The following TLCD4 variants were observed in gnomAD, a reference collection of about 807,000 sequenced individuals.
TLCD4 encodes TLC domain-containing protein 4.
A neutral mutation model predicts 24.2 loss-of-function variants in TLCD4; 7 were observed. The observed-to-expected ratio is 0.29, with a 90% confidence interval of 0.16 to 0.54. The LOEUF is 0.54. TLCD4 is among the 20% of genes least tolerant of loss of function. The pLI is 0.95. For synonymous variants in TLCD4, 103 were observed against 106.4 expected (o/e 0.97, Z 0.20); for missense variants, 259 against 313.9 (o/e 0.82, Z 1.32).
intron 1 of TLCD4, among the ~76,000 whole-genome samples, chr1:95,121,425 A>G (rs1676567069): frequency 6.6e-6 from 1 of 152,192 alleles, no homozygotes; most frequent in African/African-American, 2.4e-5. Context: ...TTGCTGATCA[A>G]ACTCATTAGG....
chr1:95,185,437 C>T (rs137883540), intron 6 of TLCD4, among the ~76,000 whole-genome samples: 18 of 152,232 alleles, frequency 1.2e-4, no homozygotes, highest in African/African-American at 3.9e-4. Flanking sequence ...AGTTGACTCC[C>T]GAACAACATG....
chr1:95,161,163 T>C (rs1677786379), intron 5 of TLCD4, among the ~76,000 whole-genome samples: 1 of 152,222 alleles, frequency 6.6e-6, no homozygotes, highest in Non-Finnish European at 1.5e-5. Flanking sequence ...GGCTATTAAT[T>C]ATTGCCTCAA....
At position 95,192,045 on chromosome 1, in the gene TLCD4, C is replaced by T. The variant is rs1679044918; in HGVS notation, c.*177C>T. The T allele has an allele frequency of 7.1e-7, 1 of 1,401,534 alleles. No individual in the cohort carries two copies. Among genetic ancestry groups the T allele is most frequent in the Admixed American group, 3.0e-5 (1 of 33,096 alleles). 86.8% of individuals were successfully genotyped at this position (1,401,534 alleles called of 1,614,324 possible). On this transcript the variant is annotated 3_prime_UTR_variant, in exon 7 of 7. Transcript: ENST00000370203. ...GGCACGGTGGCTCATGCCTGTAATC[C>T]CAGCACTTTGGGAGGCCAAGGTGGG...
the TLCD4 span, among the ~76,000 whole-genome samples, chr1:95,105,458 C>T: frequency 1.3e-5 from 2 of 152,188 alleles, no homozygotes; most frequent in African/African-American, 2.4e-5. Flanking sequence ...ATAATCTTGC[C>T]TCCTCCATGG....
At chr1:95,166,775 G>A (rs114923594) in intron 5 of TLCD4, among the ~76,000 whole-genome samples, 2,067 of 152,170 alleles carry the variant, frequency 0.014, 69 homozygotes, top group African/African-American at 0.048. Context: ...TGTCACCCAC[G>A]CTGGAGTACA....
intron 5 of TLCD4, among the ~76,000 whole-genome samples, chr1:95,151,803 T>C (rs889507317): frequency 2.6e-5 from 4 of 152,180 alleles, no homozygotes; most frequent in African/African-American, 7.2e-5. Flanking sequence ...CATGTGCAAT[T>C]ACATATACAT....
At chr1:95,180,378 C>G (rs1678592077) in intron 6 of TLCD4, among the ~76,000 whole-genome samples, 2 of 152,174 alleles carry the variant, frequency 1.3e-5, no homozygotes, top group Admixed American at 1.3e-4. Context: ...AAAATGAGAA[C>G]TGGCGTTAGA....
intron 6 of TLCD4, among the ~76,000 whole-genome samples, chr1:95,178,563 CTT>C (rs57190787): frequency 8.3e-4 from 68 of 82,384 alleles, no homozygotes; most frequent in Middle Eastern, 0.029. Flanking sequence ...ATGCCCAGCC[CTT>C]TTTTTTTTTT....
At chr1:95,172,127 A>G (rs1376195983) in intron 5 of TLCD4, among the ~76,000 whole-genome samples, 1 of 152,196 alleles carries the variant, frequency 6.6e-6, no homozygotes. Context: ...TTGGACTTCT[A>G]GCTTCCGTAA....
At chr1:95,154,188 A>C (rs1039751009) in intron 5 of TLCD4, among the ~76,000 whole-genome samples, 2 of 152,140 alleles carry the variant, frequency 1.3e-5, no homozygotes, top group African/African-American at 4.8e-5. Context: ...GATGCAAGAG[A>C]ACTAGACAAT....
chr1:95,175,438 C>G (rs982393493), intron 6 of TLCD4, among the ~76,000 whole-genome samples: 1 of 152,208 alleles, frequency 6.6e-6, no homozygotes, highest in African/African-American at 2.4e-5. Context: ...ATTCATCCGT[C>G]CATGGACATT....
intron 5 of TLCD4, among the ~76,000 whole-genome samples, chr1:95,156,100 G>C (rs1475984989): frequency 1.3e-5 from 2 of 152,124 alleles, no homozygotes; most frequent in African/African-American, 2.4e-5. Flanking sequence ...TGATTCTCCA[G>C]AGATAACTAC....
chr1:95,138,430 T>G (rs750259822), intron 1 of TLCD4: 1 of 152,180 alleles, frequency 6.6e-6, no homozygotes, highest in Non-Finnish European at 1.5e-5. Context: ...AGTTAAGACA[T>G]GTACAGTCAT....
chr1:95,109,958 T>TATATATACACAC, the TLCD4 span, among the ~76,000 whole-genome samples: 1 of 108,082 alleles, frequency 9.3e-6, no homozygotes, highest in Non-Finnish European at 1.9e-5. Flanking sequence ...TATATATATA[T>TATATATACACAC]ACACACACAC....
At chr1:95,179,405 G>T (rs1678557091) in intron 6 of TLCD4, among the ~76,000 whole-genome samples, 1 of 152,192 alleles carries the variant, frequency 6.6e-6, no homozygotes, top group African/African-American at 2.4e-5. Flanking sequence ...CTGGAGCACA[G>T]CCATGTTCAC....
chr1:95,093,146 T>C, the TLCD4 span, among the ~76,000 whole-genome samples: 1 of 152,192 alleles, frequency 6.6e-6, no homozygotes, highest in African/African-American at 2.4e-5. Flanking sequence ...AAACATATTC[T>C]CCAACATCCA....
chr1:95,151,146 G>C (rs542761468), intron 4 of TLCD4, among the ~76,000 whole-genome samples, 179 bp from the exon 5 acceptor site: 102 of 152,254 alleles, frequency 6.7e-4, no homozygotes, highest in African/African-American at 2.3e-3. Flanking sequence ...GGATGAGACA[G>C]GCATATAGGA....
chr1:95,170,281 T>G (rs1210116653), intron 5 of TLCD4, among the ~76,000 whole-genome samples: 1 of 151,868 alleles, frequency 6.6e-6, no homozygotes, highest in East Asian at 1.9e-4. Context: ...TCATGTTTAT[T>G]ACATACATGA....
chr1:95,094,553 G>A, the TLCD4 span, among the ~76,000 whole-genome samples: 2 of 152,158 alleles, frequency 1.3e-5, no homozygotes, highest in Non-Finnish European at 2.9e-5. Context: ...CAACAACAGA[G>A]TGATAAACCC....
Sources: allele counts gnomAD v4.1 joint callset (sites outside exome capture counted in the v4.1 genomes callset), GRCh38; gene constraint gnomAD v4.1.1; transcripts MANE v1.5; gene names NCBI Gene and HGNC (gene_info 2026-07-23, HGNC 2026-07-21).